HNF4A: variants seen among roughly 807,000 people sequenced by gnomAD.
HNF4A encodes hepatocyte nuclear factor 4 alpha, also known as hepatocyte nuclear factor 4-alpha.
A neutral mutation model predicts 52.4 loss-of-function variants in HNF4A; 15 were observed. The observed-to-expected ratio is 0.29, with a 90% CI of 0.19 to 0.44. HNF4A has a LOEUF of 0.44. Ranked by LOEUF, HNF4A falls within the 20% of genes least tolerant of loss-of-function variation. The pLI is 1.00. For missense variants in HNF4A, 479 were observed against 647.2 expected (o/e 0.74, Z 2.82); for synonymous variants, 280 against 264.4 (o/e 1.06, Z -0.57).
chr20:44,429,116 A>G (rs189241071), intron 9 of HNF4A, among the ~76,000 whole-genome samples: 4 of 152,302 alleles, frequency 2.6e-5, no homozygotes, highest in Admixed American at 2.0e-4. Context: ...TATCCAAGAA[A>G]TGGTATTTTT....
intron 3 of HNF4A, among the ~76,000 whole-genome samples, chr20:44,409,601 G>T (rs1161961541): frequency 6.6e-6 from 1 of 152,196 alleles, no homozygotes; most frequent in African/African-American, 2.4e-5. Context: ...ACTGCGTGTG[G>T]CCTGGTCCTG....
intron 1 of HNF4A, among the ~76,000 whole-genome samples, chr20:44,369,232 A>G (rs1354604035): frequency 2.9e-5 from 4 of 138,788 alleles, no homozygotes; most frequent in African/African-American, 5.4e-5. Context: ...CTGGGCAACA[A>G]GAGCAAAACT....
At chr20:44,383,308 C>T (rs538264379) in intron 1 of HNF4A, among the ~76,000 whole-genome samples, 32 of 152,330 alleles carry the variant, frequency 2.1e-4, no homozygotes, top group African/African-American at 7.7e-4. Flanking sequence ...ATCCCCACCA[C>T]GACCTAATGC....
chr20:44,419,728 C>T lies in HNF4A; in HGVS notation c.744C>T (p.Asp248=), dbSNP rs2063717331. The T allele has an allele frequency of 6.2e-7, 1 of 1,606,154 alleles. No homozygotes were observed. The highest frequency in any genetic ancestry group is 8.5e-7 in the Non-Finnish European group (1 of 1,174,346). The change falls in exon 7 of 10, where the codon GAC becomes GAT. Residue 248 remains aspartate (D), a synonymous_variant. Coordinates refer to ENST00000316099, the MANE Select transcript of HNF4A (RefSeq NM_000457.6). ...CCCTCCCAACCCTTCCAGGCAATGACTACATTGTCCCTCGGCACTGCCCGG... is the reference window on the plus strand; with the variant it reads ...CCCTCCCAACCCTTCCAGGCAATGATTACATTGTCCCTCGGCACTGCCCGG...
intron 8 of HNF4A, among the ~76,000 whole-genome samples, chr20:44,426,210 A>C (rs909392541): frequency 6.6e-6 from 1 of 152,108 alleles, no homozygotes; most frequent in Non-Finnish European, 1.5e-5. Flanking sequence ...AACTCTACAG[A>C]GAAACAGAAA....
intron 1 of HNF4A, among the ~76,000 whole-genome samples, chr20:44,401,961 A>G (rs1271363858): frequency 1.3e-5 from 2 of 152,196 alleles, no homozygotes; most frequent in Non-Finnish European, 2.9e-5. Flanking sequence ...GGACTTTCCT[A>G]GGGAAATGAA....
chr20:44,424,292 G>A, intron 8 of HNF4A, 38 bp downstream of exon 8: 1 of 1,609,150 alleles, frequency 6.2e-7, no homozygotes, highest in Non-Finnish European at 8.5e-7. Flanking sequence ...GTTGGAGTGG[G>A]GACTCCCCAG....
chr20:44,378,518 T>G (rs755222081), intron 1 of HNF4A, among the ~76,000 whole-genome samples: 37 of 152,148 alleles, frequency 2.4e-4, no homozygotes, highest in Non-Finnish European at 4.7e-4. Flanking sequence ...TCCATCCACC[T>G]CAGCCTCCCA....
intron 5 of HNF4A, among the ~76,000 whole-genome samples, chr20:44,416,461 G>C (rs537493071): frequency 6.6e-6 from 1 of 152,254 alleles, no homozygotes; most frequent in African/African-American, 2.4e-5. Context: ...TCCGCTTCGC[G>C]ATGTGAAGGC....
intron 8 of HNF4A, among the ~76,000 whole-genome samples, chr20:44,426,087 T>C (rs972095514): frequency 4.6e-5 from 7 of 152,064 alleles, no homozygotes; most frequent in African/African-American, 1.4e-4. Context: ...AGGGGGAAGA[T>C]GGAGCCATGG....
intron 1 of HNF4A, among the ~76,000 whole-genome samples, chr20:44,360,541 T>A (rs757518781): frequency 2.6e-5 from 4 of 151,940 alleles, no homozygotes; most frequent in Non-Finnish European, 5.9e-5. Context: ...GGACAAATGA[T>A]GTGATGAGTG....
At chr20:44,392,478 A>G (rs891734280) in intron 1 of HNF4A, among the ~76,000 whole-genome samples, 4 of 152,260 alleles carry the variant, frequency 2.6e-5, no homozygotes, top group South Asian at 2.1e-4. Context: ...TTGATCTGTG[A>G]TAGGGACTGG....
chr20:44,424,012 T>C lies in HNF4A; in HGVS notation c.893-6T>C, dbSNP rs557971956. ...GCCCTCCCTTGCCCACCCTCTTCCA[T>C]TGTAGATGCCAAGGGGCTGAGCGAT... On this transcript the variant is annotated splice_region_variant and splice_polypyrimidine_tract_variant and intron_variant, in intron 7 of 9. Transcript: ENST00000316099. 1.4e-4 allele frequency: 227 copies of C among 1,611,536 alleles called. No individual in the cohort carries two copies. Among genetic ancestry groups the C allele is most frequent in the Non-Finnish European group, 1.9e-4 (220 of 1,179,132 alleles).
At chr20:44,394,280 C>A (rs76439053) in intron 1 of HNF4A, among the ~76,000 whole-genome samples, 2,964 of 152,254 alleles carry the variant, frequency 0.019, 92 homozygotes, top group African/African-American at 0.068. Flanking sequence ...GCTGGAGCCC[C>A]TGAATACCCG....
rs369710660 is a variant in HNF4A, at chr20:44,418,520, G to A, written c.736+8G>A. 58 of 1,607,228 alleles carry A rather than the reference G, an allele frequency of 3.6e-5. No homozygotes were observed. The highest frequency in any genetic ancestry group is 9.4e-5 in the African/African-American group (7 of 74,826). On this transcript the variant is annotated splice_region_variant and intron_variant, in intron 6 of 9. Coordinates refer to ENST00000316099, the MANE Select transcript of HNF4A (RefSeq NM_000457.6). ...AGGACGTGCTGCTCCTAGGTGAGGCGGCTGCCTGCCCTGGCCAGGGCTCCA... is the reference window on the plus strand; with the variant it reads ...AGGACGTGCTGCTCCTAGGTGAGGCAGCTGCCTGCCCTGGCCAGGGCTCCA...
chr20:44,391,056 C>A (rs2063296452), intron 1 of HNF4A, among the ~76,000 whole-genome samples: 1 of 152,164 alleles, frequency 6.6e-6, no homozygotes, highest in African/African-American at 2.4e-5. Flanking sequence ...CTGAAGTTCC[C>A]TGAGCAGAAA....
At chr20:44,398,963 G>A (rs985352687), upstream of HNF4A, among the ~76,000 whole-genome samples, 16 of 152,368 alleles carry the variant, frequency 1.1e-4, no homozygotes, top group Admixed American at 1.0e-3. Flanking sequence ...TGGATTGTGT[G>A]GGGAGTAGCT....
intron 7 of HNF4A, 52 bp from the exon 8 acceptor site, chr20:44,423,966 A>C: frequency 6.3e-7 from 1 of 1,582,562 alleles, no homozygotes. Context: ...GACTCCCCAG[A>C]TGCTCCAGCT....
intron 1 of HNF4A, chr20:44,392,167 T>C (rs1220367117): frequency 6.6e-6 from 1 of 152,136 alleles, no homozygotes; most frequent in Admixed American, 6.6e-5. Flanking sequence ...AATAATAGTC[T>C]TGGTAGCAAG....
Sources: gnomAD v4.1 joint callset for allele counts (sites outside exome capture counted in the v4.1 genomes callset) on GRCh38, gnomAD v4.1.1 for gene constraint, MANE v1.5 for transcripts, NCBI Gene and HGNC (gene_info 2026-07-23, HGNC 2026-07-21) for gene names.